Variants in ARHGEF9 observed in about 807,000 individuals in gnomAD.
ARHGEF9 encodes rho guanine nucleotide exchange factor 9.
In ARHGEF9, 2 loss-of-function variants were observed where a neutral mutation model predicts 41.3. The ratio of observed to expected loss-of-function variants is 0.05; its 90% CI spans 0.02 to 0.15. The LOEUF (loss-of-function observed/expected upper bound fraction) is 0.15. ARHGEF9 is among the 10% of genes least tolerant of loss of function. The pLI is 1.00. For missense variants in ARHGEF9, 225 were observed against 424.7 expected (o/e 0.53, Z 4.13); for synonymous variants, 160 against 154.4 (o/e 1.04, Z -0.27).
intron 8 of ARHGEF9, among the ~76,000 whole-genome samples, chrX:63,650,478 T>C (rs1232542679): frequency 9.0e-6 from 1 of 111,168 alleles, no homozygotes; most frequent in Admixed American, 9.6e-5. Context: ...GAGAGTAGAA[T>C]GGTGATTATC....
intron 1 of ARHGEF9, among the ~76,000 whole-genome samples, chrX:63,783,983 A>G (rs1390294130): frequency 8.9e-6 from 1 of 112,062 alleles, no homozygotes; most frequent in Non-Finnish European, 1.9e-5. Context: ...GAGGAAGGGA[A>G]GAGGACAGCC....
intron 1 of ARHGEF9, among the ~76,000 whole-genome samples, chrX:63,728,698 G>C (rs1279523864): frequency 2.7e-5 from 3 of 112,211 alleles, no homozygotes; most frequent in African/African-American, 9.7e-5. Flanking sequence ...TAGAGAGGGT[G>C]AACTCAGATG....
intron 2 of ARHGEF9, among the ~76,000 whole-genome samples, chrX:63,708,915 C>T (rs2052732627): frequency 8.9e-6 from 1 of 112,152 alleles, no homozygotes; most frequent in Admixed American, 9.4e-5. Flanking sequence ...CAGGTTCCCA[C>T]AAAACATCCC....
At chrX:63,749,722 T>C (rs1381853290) in intron 1 of ARHGEF9, among the ~76,000 whole-genome samples, 1 of 112,585 alleles carries the variant, frequency 8.9e-6, no homozygotes, top group Non-Finnish European at 1.9e-5. Flanking sequence ...AGAAAGGATG[T>C]GAAATTCCTT....
chrX:63,646,017 T>C (rs1344055201), intron 8 of ARHGEF9, among the ~76,000 whole-genome samples: 1 of 112,139 alleles, frequency 8.9e-6, no homozygotes, highest in Non-Finnish European at 1.9e-5. Context: ...TTTGGCTGCA[T>C]AAATGTCTTC....
chrX:63,747,202 A>C (rs1569501740), intron 1 of ARHGEF9, among the ~76,000 whole-genome samples: 4 of 112,292 alleles, frequency 3.6e-5, no homozygotes, highest in African/African-American at 3.2e-5. Flanking sequence ...TATTTTGCTG[A>C]TGAAGAAAAC....
At chrX:63,743,134 C>T (rs1188975844) in intron 1 of ARHGEF9, among the ~76,000 whole-genome samples, 3 of 111,315 alleles carry the variant, frequency 2.7e-5, no homozygotes, top group Non-Finnish European at 3.8e-5. Context: ...ACCTGGGAGG[C>T]GGAGGTTGCA....
chrX:63,717,818 T>A (rs1215373125), intron 2 of ARHGEF9, among the ~76,000 whole-genome samples: 2 of 111,842 alleles, frequency 1.8e-5, no homozygotes, highest in Non-Finnish European at 3.8e-5. Context: ...TATCCTCAAT[T>A]TAATGATGAG....
At chrX:63,656,933 A>T (rs2048912333) in intron 7 of ARHGEF9, 1 of 112,278 alleles carries the variant, frequency 8.9e-6, no homozygotes, top group African/African-American at 3.2e-5. Context: ...TAAGTTAAAA[A>T]GGAAAATAGA....
At chrX:63,730,568 G>A (rs1313901293) in intron 1 of ARHGEF9, among the ~76,000 whole-genome samples, 1 of 111,975 alleles carries the variant, frequency 8.9e-6, no homozygotes, top group East Asian at 2.8e-4. Flanking sequence ...GTATTGATTA[G>A]GTAGGTCTGA....
intron 8 of ARHGEF9, among the ~76,000 whole-genome samples, chrX:63,645,572 G>T (rs2147154798): frequency 8.9e-6 from 1 of 111,819 alleles, no homozygotes; most frequent in South Asian, 3.8e-4. Context: ...CGTTTCTTAT[G>T]GCTGCATAGT....
intron 2 of ARHGEF9, among the ~76,000 whole-genome samples, chrX:63,711,625 C>T (rs1226972575): frequency 5.4e-5 from 6 of 111,813 alleles, no homozygotes; most frequent in African/African-American, 1.9e-4. Context: ...AACTTTGGCT[C>T]CTACTTTACA....
chrX:63,673,899 G>T (rs1261261888), intron 6 of ARHGEF9, 139 bp downstream of exon 6: 4 of 833,618 alleles, frequency 4.8e-6, no homozygotes, highest in Admixed American at 6.2e-5. Flanking sequence ...TCATTAGCAA[G>T]AAATTTTACC....
chrX:63,712,660 T>C (rs1448969187), intron 2 of ARHGEF9, among the ~76,000 whole-genome samples: 8 of 111,811 alleles, frequency 7.2e-5, no homozygotes, highest in African/African-American at 2.6e-4. Flanking sequence ...TTTGTGAATA[T>C]ACTAAAACCC....
intron 1 of ARHGEF9, chrX:63,755,255 G>A (rs2055891484): frequency 2.1e-6 from 2 of 930,440 alleles, no homozygotes; most frequent in South Asian, 1.2e-4. Context: ...CTGCCCAGGG[G>A]CGGGACTTGC....
intron 2 of ARHGEF9, among the ~76,000 whole-genome samples, chrX:63,712,049 T>A (rs2052966433): frequency 8.9e-6 from 1 of 111,867 alleles, no homozygotes; most frequent in African/African-American, 3.2e-5. Flanking sequence ...ATCTGAGAAA[T>A]GCAAACCAAA....
chrX:63,635,587 T>C lies in ARHGEF9; in HGVS notation c.*2441A>G, dbSNP rs1462249363. ...AATACTCCAACCAATGGGGAAATGA[T>C]TTCTTGTTGTTCACAAATTAGTGGC... On this transcript the variant is annotated 3_prime_UTR_variant, in exon 10 of 10. Coordinates refer to ENST00000671741, the MANE Select transcript of ARHGEF9 (RefSeq NM_001353921.2). 1 of 419,584 alleles carries C rather than the reference T, an allele frequency of 2.4e-6. No individual in the cohort carries two copies. The highest frequency in any genetic ancestry group is 2.6e-5 in the African/African-American group (1 of 38,930). The allele number at this position is 419,584 out of a possible 1,213,427, so 34.6% of individuals were successfully genotyped here.
Position 63,637,900 on chromosome X carries a change from A to T in ARHGEF9, c.*128T>A. 1 of 395,680 alleles carries T rather than the reference A, an allele frequency of 2.5e-6. No individual in the cohort carries two copies. The highest frequency in any genetic ancestry group is 4.2e-6 in the Non-Finnish European group (1 of 236,604). The allele number at this position is 395,680 out of a possible 1,213,427, so 32.6% of individuals were successfully genotyped here. A position where few individuals can be genotyped will look rare whatever the true frequency, so the allele number is the denominator to read the frequency against. ...TGTGTGTCTGTGTGTGTGTGTGTGT[A>T]TGTGTACTCAAGGGTCTCTGTGTGT... is the stretch of plus-strand genomic sequence containing the variant. On this transcript the variant is annotated 3_prime_UTR_variant, in exon 10 of 10. Coordinates refer to ENST00000671741, the MANE Select transcript of ARHGEF9 (RefSeq NM_001353921.2).
intron 9 of ARHGEF9, chrX:63,641,574 C>A (rs1294983604): frequency 9.0e-6 from 1 of 111,240 alleles, no homozygotes; most frequent in African/African-American, 3.3e-5. Context: ...TTCTGGTTAA[C>A]CAACTCCTGG....
Sources: gnomAD v4.1 joint callset for allele counts (sites outside exome capture counted in the v4.1 genomes callset) on GRCh38, gnomAD v4.1.1 for gene constraint, MANE v1.5 for transcripts, NCBI Gene and HGNC (gene_info 2026-07-23, HGNC 2026-07-21) for gene names.